The following DCUN1D1 variants were observed in gnomAD, a reference collection of about 807,000 sequenced individuals.
DCUN1D1 encodes defective in cullin neddylation 1 domain containing 1.
A neutral mutation model predicts 39.0 loss-of-function variants in DCUN1D1; 3 were observed. The observed-to-expected ratio is 0.08, with a 90% confidence interval of 0.04 to 0.20. The LOEUF (loss-of-function observed/expected upper bound fraction) is 0.20. DCUN1D1 is among the 10% of genes least tolerant of loss of function. The pLI, the probability that DCUN1D1 is intolerant of heterozygous loss-of-function variation, is 1.00. For synonymous variants in DCUN1D1, 82 were observed against 96.3 expected, an observed-to-expected ratio of 0.85 and a Z score of 0.87; for missense variants, 158 against 302.4, an observed-to-expected ratio of 0.52 and a Z score of 3.54.
At chr3:182,965,920 T>A (rs537813547) in intron 1 of DCUN1D1, among the ~76,000 whole-genome samples, 167 bp from the exon 2 acceptor site, 4 of 152,116 alleles carry the variant, frequency 2.6e-5, no homozygotes, top group Non-Finnish European at 4.4e-5. Context: ...AAGGCTAACT[T>A]TTAAAAAATA....
intron 1 of DCUN1D1, among the ~76,000 whole-genome samples, chr3:182,976,444 T>TACACACACACACACACACACACACACAC (rs59465164): frequency 7.1e-6 from 1 of 140,684 alleles, no homozygotes; most frequent in African/African-American, 2.7e-5. Flanking sequence ...TATACATACA[T>TACACACACACACACACACACACACACAC]ACACACACAC....
At chr3:182,949,634 T>C (rs1038489452) in intron 4 of DCUN1D1, among the ~76,000 whole-genome samples, 1 of 151,838 alleles carries the variant, frequency 6.6e-6, no homozygotes, top group African/African-American at 2.4e-5. Context: ...AGCGGGAGAA[T>C]CCTTTGAGCC....
intron 1 of DCUN1D1, chr3:182,980,008 A>T (rs1361134114): frequency 4.4e-6 from 1 of 226,234 alleles, no homozygotes; most frequent in East Asian, 1.8e-4. Context: ...GCGCCGGGAA[A>T]GTCTTTCCTT....
rs1176632869 is a variant in DCUN1D1, at chr3:182,943,726, C to T, written c.*1368G>A. ...CGGAAATGTTTAAGAAAGCAAGAAA[C>T]CCTTCTTCACATGTCAGTAAGTGAA... is the stretch of plus-strand genomic sequence containing the variant. On this transcript the variant is annotated 3_prime_UTR_variant, in exon 7 of 7. Coordinates refer to ENST00000292782, the MANE Select transcript of DCUN1D1 (RefSeq NM_020640.4). 2 of 152,464 alleles carry T rather than the reference C, an allele frequency of 1.3e-5. No individual in the cohort carries two copies. The highest frequency in any genetic ancestry group is 2.4e-5 in the African/African-American group (1 of 41,390). The allele number at this position is 152,464 out of a possible 1,614,324, so 9.4% of individuals were successfully genotyped here. A position where few individuals can be genotyped will look rare whatever the true frequency, so the allele number is the denominator to read the frequency against.
chr3:182,985,454 A>C (rs1271035142), upstream of DCUN1D1: 1 of 152,034 alleles, frequency 6.6e-6, no homozygotes, highest in African/African-American at 2.4e-5. Flanking sequence ...ACATGGAAAA[A>C]CCCTGTCTCT....
chr3:182,963,078 C>T (rs964959004), intron 3 of DCUN1D1, among the ~76,000 whole-genome samples: 34 of 152,158 alleles, frequency 2.2e-4, no homozygotes, highest in Non-Finnish European at 4.3e-4. Flanking sequence ...CCGCGCCTAG[C>T]CCCTGGTGTG....
chr3:182,949,400 ACT>A (rs1726589793), intron 4 of DCUN1D1, among the ~76,000 whole-genome samples: 1 of 151,764 alleles, frequency 6.6e-6, no homozygotes, highest in Non-Finnish European at 1.5e-5. Context: ...ATGCTAATTC[ACT>A]GTCAAAAACA....
chr3:182,982,910 C>T (rs1173977233), upstream of DCUN1D1, among the ~76,000 whole-genome samples: 2 of 152,170 alleles, frequency 1.3e-5, no homozygotes, highest in African/African-American at 4.8e-5. Flanking sequence ...TCCCAAAGTA[C>T]TGGGATCACA....
At chr3:182,980,105 G>C in intron 1 of DCUN1D1, 1 of 947,784 alleles carries the variant, frequency 1.1e-6, no homozygotes, top group Non-Finnish European at 1.3e-6. Flanking sequence ...TCCCCGACCA[G>C]ACACAATGGA....
chr3:182,941,151 G>GT lies in DCUN1D1; in HGVS notation c.*3942dup, dbSNP rs1726117231. ...AGAATGCTCTGATAAAATCATTTAT[G>GT]TAACTATATTATGAGTTTGAAAAAA... On this transcript the variant is annotated 3_prime_UTR_variant, in exon 7 of 7. Coordinates refer to ENST00000292782, the MANE Select transcript of DCUN1D1 (RefSeq NM_020640.4). 1 of 106,672 alleles carries GT rather than the reference G, an allele frequency of 9.4e-6. No individual in the cohort carries two copies. Among genetic ancestry groups the GT allele is most frequent in the Non-Finnish European group, 2.7e-5 (1 of 37,336 alleles). 6.6% of individuals were successfully genotyped at this position (106,672 alleles called of 1,614,324 possible).
At chr3:182,965,311 A>G (rs1414204274) in intron 2 of DCUN1D1, among the ~76,000 whole-genome samples, 1 of 152,194 alleles carries the variant, frequency 6.6e-6, no homozygotes, top group Non-Finnish European at 1.5e-5. Context: ...CCCCATCCCC[A>G]TTCTCAACTT....
chr3:182,951,194 T>G (rs563603516), intron 4 of DCUN1D1, among the ~76,000 whole-genome samples: 1 of 152,078 alleles, frequency 6.6e-6, no homozygotes, highest in African/African-American at 2.4e-5. Context: ...TGACTAAATA[T>G]TTGCTGTTAT....
intron 3 of DCUN1D1, among the ~76,000 whole-genome samples, 179 bp from the exon 4 acceptor site, chr3:182,961,535 A>G (rs922380977): frequency 3.3e-5 from 5 of 152,200 alleles, no homozygotes; most frequent in African/African-American, 1.2e-4. Flanking sequence ...AGCTGCGGGA[A>G]GAAGAGGTCT....
chr3:182,952,930 G>A (rs1028631335), intron 4 of DCUN1D1, among the ~76,000 whole-genome samples: 3 of 152,120 alleles, frequency 2.0e-5, no homozygotes, highest in Admixed American at 6.5e-5. Flanking sequence ...CTTTGAGATC[G>A]ACCTTTCAGG....
chr3:182,961,364 GT>G lies in DCUN1D1; in HGVS notation c.390-9del. The G allele has an allele frequency of 6.4e-7, 1 of 1,574,318 alleles. No individual in the cohort carries two copies. Among genetic ancestry groups the G allele is most frequent in the South Asian group, 1.2e-5 (1 of 82,540 alleles). ...TTTTCTATGCTGTCACATCTGCGTCGTAAAATTAAGTTTATAAAAGATTAAC... is the reference window on the plus strand; with the variant it reads ...TTTTCTATGCTGTCACATCTGCGTCGAAAATTAAGTTTATAAAAGATTAAC... On this transcript the variant is annotated splice_polypyrimidine_tract_variant and intron_variant, in intron 3 of 6. Coordinates refer to ENST00000292782, the MANE Select transcript of DCUN1D1 (RefSeq NM_020640.4).
At chr3:182,951,122 A>G in intron 4 of DCUN1D1, 1 of 151,442 alleles carries the variant, frequency 6.6e-6, no homozygotes, top group African/African-American at 2.4e-5. Context: ...AGGTTGTTCA[A>G]TTCTGTTCTT....
chr3:182,969,019 A>C (rs1727806723), intron 1 of DCUN1D1, among the ~76,000 whole-genome samples: 1 of 152,226 alleles, frequency 6.6e-6, no homozygotes, highest in Admixed American at 6.5e-5. Flanking sequence ...ACTGAGTTCT[A>C]CCAGGCCAAG....
intron 4 of DCUN1D1, among the ~76,000 whole-genome samples, chr3:182,961,010 A>C (rs1334957961): frequency 1.3e-5 from 2 of 152,198 alleles, no homozygotes; most frequent in African/African-American, 4.8e-5. Context: ...GTTTTCATAA[A>C]GCAAAAGTCA....
At chr3:182,970,511 AC>A (rs1727879267) in intron 1 of DCUN1D1, among the ~76,000 whole-genome samples, 1 of 152,160 alleles carries the variant, frequency 6.6e-6, no homozygotes, top group Admixed American at 6.5e-5. Context: ...TTGAATTTTC[AC>A]CTTCTCATCC....
Sources: gnomAD v4.1 joint callset for allele counts (sites outside exome capture counted in the v4.1 genomes callset) on GRCh38, gnomAD v4.1.1 for gene constraint, MANE v1.5 for transcripts, NCBI Gene and HGNC (gene_info 2026-07-23, HGNC 2026-07-21) for gene names.